RRBP1: variants seen among roughly 807,000 people sequenced by gnomAD.
The protein encoded by RRBP1 is ribosome-binding protein 1.
Under a neutral mutation model 165.2 loss-of-function variants are expected in RRBP1, and 94 were observed. That is an observed-to-expected ratio of 0.57 (90% CI 0.48 to 0.68). The LOEUF is 0.68. Ranked by LOEUF, RRBP1 falls within the 30% of genes least tolerant of loss-of-function variation. RRBP1 has a pLI of 0.00. For synonymous variants in RRBP1, 680 were observed against 714.5 expected, an observed-to-expected ratio of 0.95 and a Z score of 0.77; for missense variants, 1,676 against 1,763.0, an observed-to-expected ratio of 0.95 and a Z score of 0.88.
chr20:17,672,736 C>A (rs2037000618), intron 2 of RRBP1, among the ~76,000 whole-genome samples: 1 of 152,192 alleles, frequency 6.6e-6, no homozygotes, highest in South Asian at 2.1e-4. Flanking sequence ...TAGCCCCAAA[C>A]TGGAAACTCT....
rs375589053 is a variant in RRBP1 at position 17,615,408 on chromosome 20, C to T, written c.4050+23G>A. On this transcript the variant is annotated intron_variant, in intron 23 of 24. Transcript: ENST00000377813. ...CCCAGAGCAGACCCTCCAGGTGTGA[C>T]CCCCGCCCCAGCCCCTGCCTGCCTT... The T allele has an allele frequency of 2.1e-5, 34 of 1,583,580 alleles. No individual in the cohort carries two copies. The South Asian group carries it at 3.5e-4, about 16-fold the overall frequency.
At chr20:17,625,356 CCCCCCACACCCTGGA>C (rs1331363569) in intron 12 of RRBP1, among the ~76,000 whole-genome samples, 141 bp downstream of exon 12, 21 of 152,016 alleles carry the variant, frequency 1.4e-4, no homozygotes, top group Admixed American at 1.4e-3. Context: ...AGTAGAAGCA[CCCCCCACACCCTGGA>C]CCCCCACAGC....
chr20:17,661,167 C>CTTTACTCATCAT (rs2036759316), intron 2 of RRBP1, among the ~76,000 whole-genome samples: 1 of 152,248 alleles, frequency 6.6e-6, no homozygotes, highest in African/African-American at 2.4e-5. Flanking sequence ...CATCTCCACT[C>CTTTACTCATCAT]TGTTGTTTCC....
chr20:17,629,571 C>T (rs111237775), intron 9 of RRBP1, among the ~76,000 whole-genome samples: 1 of 151,952 alleles, frequency 6.6e-6, no homozygotes, highest in African/African-American at 2.4e-5. Context: ...CTTCTAGCCC[C>T]TGTAGGTCCC....
At chr20:17,675,271 GT>G (rs1250403556) in intron 2 of RRBP1, among the ~76,000 whole-genome samples, 1 of 152,212 alleles carries the variant, frequency 6.6e-6, no homozygotes, top group Non-Finnish European at 1.5e-5. Context: ...ATATGTTTTT[GT>G]GTTTATATGT....
chr20:17,664,231 A>T (rs1049966005), intron 2 of RRBP1, among the ~76,000 whole-genome samples: 2 of 152,230 alleles, frequency 1.3e-5, no homozygotes, highest in Non-Finnish European at 2.9e-5. Context: ...TGAGAGGGCC[A>T]CCAAGTGACG....
At chr20:17,651,734 G>C (rs1409539449) in intron 3 of RRBP1, among the ~76,000 whole-genome samples, 1 of 152,184 alleles carries the variant, frequency 6.6e-6, no homozygotes, top group Non-Finnish European at 1.5e-5. Context: ...TCCATACTGT[G>C]AATTTTGTTT....
chr20:17,643,093 G>A lies in RRBP1; in HGVS notation c.1947C>T (p.Pro649=). ...PPDADGPLYL[P]YKTLVSTVGS... is the part of the protein sequence containing the mutation. ...CAACCGTGGAGACCAGCGTCTTGTA[G>A]GGGAGGTAGAGAGGGCCGTCGGCAT... Residue 649 remains proline, a synonymous_variant, in exon 4 of 25, where the codon CCC becomes CCT. Coordinates refer to ENST00000377813, the MANE Select transcript of RRBP1 (RefSeq NM_001365613.2). The surrounding 1 kb of genome is among the most constrained non-coding windows in gnomAD (Gnocchi z 4.3). The A allele has an allele frequency of 6.2e-7, 1 of 1,614,116 alleles. No homozygotes were observed. Among genetic ancestry groups the A allele is most frequent in the Non-Finnish European group, 8.5e-7 (1 of 1,180,014 alleles).
intron 2 of RRBP1, among the ~76,000 whole-genome samples, chr20:17,675,512 G>A (rs1015389060): frequency 4.0e-5 from 6 of 148,318 alleles, no homozygotes; most frequent in Non-Finnish European, 8.9e-5. Context: ...ATGTCAGGGG[G>A]TGATGAAGAG....
At chr20:17,653,833 C>CAAAAAAAA (rs1299830911) in intron 3 of RRBP1, among the ~76,000 whole-genome samples, 1 of 75,606 alleles carries the variant, frequency 1.3e-5, no homozygotes, top group Non-Finnish European at 2.6e-5. Flanking sequence ...GACTCCATCT[C>CAAAAAAAA]AAAAAAAAAA....
chr20:17,617,818 A>G (rs1196821964), intron 20 of RRBP1, among the ~76,000 whole-genome samples: 2 of 152,228 alleles, frequency 1.3e-5, no homozygotes, highest in East Asian at 1.9e-4. Context: ...AAAATTTCCC[A>G]ATTTCTCCCT....
intron 21 of RRBP1, 69 bp downstream of exon 21, chr20:17,616,663 A>T (rs2035806555): frequency 1.8e-6 from 2 of 1,081,702 alleles, no homozygotes. Context: ...TTTAGTCCGA[A>T]CGGAGGCAGC....
At position 17,660,126 on chromosome 20, in the gene RRBP1, G is replaced by T. The variant is rs1024641450; in HGVS notation, c.382C>A (p.Pro128Thr). The T allele has an allele frequency of 6.2e-7, 1 of 1,613,978 alleles. No individual in the cohort carries two copies. Among genetic ancestry groups the T allele is most frequent in the African/African-American group, 1.3e-5 (1 of 74,894 alleles). Residue 128 changes from proline (P) to threonine (T), a missense_variant, in exon 3 of 25, where the codon CCC becomes ACC. Pro to Thr is a conservative substitution (Grantham distance 38). This residue lies in a region of RRBP1 where 392 missense variants were observed against 382.5 expected (regional missense o/e 1.02). Coordinates refer to ENST00000377813, the MANE Select transcript of RRBP1 (RefSeq NM_001365613.2). ...GGGGAGGAGGCCAGCTTCTCCTGGG[G>T]CATGGCTGGAACTGTGGCGACAGGA... is the stretch of plus-strand genomic sequence containing the variant. Reference protein sequence around the residue: ...VAPVATVPAMPQEKLASSPKD... With the variant: ...VAPVATVPAMTQEKLASSPKD...
chr20:17,629,206 C>T (rs540046164), intron 9 of RRBP1, among the ~76,000 whole-genome samples: 6 of 152,230 alleles, frequency 3.9e-5, no homozygotes, highest in Non-Finnish European at 8.8e-5. Context: ...CCGGCACCCA[C>T]GGCAGTGCTT....
rs763512959 is a variant in RRBP1 at position 17,613,853 on chromosome 20, C to T, written c.*329G>A. On this transcript the variant is annotated 3_prime_UTR_variant, in exon 25 of 25. Coordinates refer to ENST00000377813, the MANE Select transcript of RRBP1 (RefSeq NM_001365613.2). Reference sequence around the variant, plus strand: ...CCCGCCCCACTGAAAAAACACTAAACGATTGCACTGACAGACAGACCCCAG... The same window carrying T: ...CCCGCCCCACTGAAAAAACACTAAATGATTGCACTGACAGACAGACCCCAG... 1.7e-4 allele frequency: 39 copies of T among 231,922 alleles called. No homozygotes were observed. Among genetic ancestry groups the T allele is most frequent in the Middle Eastern group, 1.8e-3 (1 of 568 alleles). The allele number at this position is 231,922 out of a possible 1,614,324, so 14.4% of individuals were successfully genotyped here.
rs550727536 is a variant in RRBP1, at chr20:17,615,473, G to T, written c.4008C>A (p.Gly1336=). The change falls in exon 23 of 25, where the codon GGC becomes GGA. Residue 1336 remains glycine, a synonymous_variant. Coordinates refer to ENST00000377813, the MANE Select transcript of RRBP1 (RefSeq NM_001365613.2). ...CCTCTGTTTCTGAAGACTCTAGGGG[G>T]CCGGCTGTGCGGAGCTTCTCCAATT... ...QEELEKLRTA[G]PLESSETEEA... 14 of 1,608,234 alleles carry T rather than the reference G, an allele frequency of 8.7e-6. No homozygotes were observed. The South Asian group carries it at 1.4e-4, about 17-fold the overall frequency.
intron 5 of RRBP1, among the ~76,000 whole-genome samples, chr20:17,637,800 C>T (rs934783292): frequency 2.0e-5 from 3 of 152,178 alleles, no homozygotes; most frequent in Non-Finnish European, 4.4e-5. Context: ...TGGCTCTGCC[C>T]GGGGTGAGAG....
At chr20:17,628,877 G>T (rs1404187613) in intron 9 of RRBP1, among the ~76,000 whole-genome samples, 5 of 152,264 alleles carry the variant, frequency 3.3e-5, no homozygotes, top group Non-Finnish European at 2.9e-5. Flanking sequence ...TTTGAACACA[G>T]CCAGGCCCCT....
At chr20:17,647,498 G>C (rs17719352) in intron 3 of RRBP1, among the ~76,000 whole-genome samples, 4,609 of 152,282 alleles carry the variant, frequency 0.03, 111 homozygotes, top group Non-Finnish European at 0.044. Context: ...GTTTGAATTT[G>C]AGAAAAAGAT....
Sources: allele counts gnomAD v4.1 joint callset (sites outside exome capture counted in the v4.1 genomes callset), GRCh38; gene constraint gnomAD v4.1.1; regional missense constraint gnomAD v4.1.1; non-coding constraint Gnocchi (gnomAD v3.1); transcripts MANE v1.5; gene names NCBI Gene and HGNC (gene_info 2026-07-23, HGNC 2026-07-21).